Variants in TM9SF3 observed in about 807,000 individuals in gnomAD.
The protein encoded by TM9SF3 is SM-11044-binding protein.
Under a neutral mutation model 78.6 loss-of-function variants are expected in TM9SF3, and 14 were observed. The observed-to-expected ratio is 0.18, with a 90% CI of 0.12 to 0.28. The LOEUF (loss-of-function observed/expected upper bound fraction) is 0.28, where lower values mean the gene tolerates loss of function less well. Among genes scored for constraint, TM9SF3 ranks in the 10% least tolerant of loss-of-function variants. The pLI, the probability that TM9SF3 is intolerant of heterozygous loss-of-function variation, is 1.00. For synonymous variants in TM9SF3, 231 were observed against 241.7 expected (o/e 0.96, Z 0.41); for missense variants, 496 against 721.9 (o/e 0.69, Z 3.59).
At chr10:96,567,947 T>C (rs756731259) in intron 2 of TM9SF3, among the ~76,000 whole-genome samples, 8 of 152,218 alleles carry the variant, frequency 5.3e-5, no homozygotes, top group Non-Finnish European at 7.3e-5. Context: ...AATGCCAATT[T>C]ATAAACAAAT....
chr10:96,531,089 A>G (rs1384929018), intron 10 of TM9SF3, among the ~76,000 whole-genome samples: 1 of 152,224 alleles, frequency 6.6e-6, no homozygotes, highest in Non-Finnish European at 1.5e-5. Context: ...CAATTAAGGT[A>G]TTATGAGTTC....
chr10:96,586,294 G>C, intron 1 of TM9SF3, among the ~76,000 whole-genome samples: 1 of 152,188 alleles, frequency 6.6e-6, no homozygotes, highest in South Asian at 2.1e-4. Flanking sequence ...AGTGGCTGCC[G>C]GGTAATCACG....
At chr10:96,529,646 T>TA (rs1226388415) in intron 11 of TM9SF3, among the ~76,000 whole-genome samples, 3 of 134,572 alleles carry the variant, frequency 2.2e-5, no homozygotes, top group East Asian at 2.0e-4. Context: ...GGCTCTATAT[T>TA]TAAAAAAAAA....
intron 1 of TM9SF3, among the ~76,000 whole-genome samples, chr10:96,583,897 G>A (rs1191862054): frequency 3.3e-5 from 5 of 152,132 alleles, no homozygotes; most frequent in African/African-American, 1.2e-4. Flanking sequence ...AGCCAGGCAT[G>A]GTGGCAAGCA....
chr10:96,574,005 A>G (rs1848468871), intron 2 of TM9SF3, among the ~76,000 whole-genome samples: 1 of 152,254 alleles, frequency 6.6e-6, no homozygotes, highest in South Asian at 2.1e-4. Context: ...CATTAAGGAC[A>G]TAGGCATGGG....
At chr10:96,584,828 T>A (rs547182439) in intron 1 of TM9SF3, among the ~76,000 whole-genome samples, 70 of 152,166 alleles carry the variant, frequency 4.6e-4, no homozygotes, top group Non-Finnish European at 8.2e-4. Flanking sequence ...AATAAATAAA[T>A]AATAGGTATT....
rs1328349578 is a variant in TM9SF3, at chr10:96,585,014, T to C, written c.102+1720A>G. Among the ~76,000 whole-genome samples, 9 of 152,194 alleles carry C rather than the reference T, an allele frequency of 5.9e-5. No homozygotes were observed. In the East Asian group the frequency reaches 1.7e-3, roughly 29 times the overall value. ...CTAGAATAAAAAACTGAAATAGTCC[T>C]AGCAATAAAACTGCATTGAAATTAC... On this transcript the variant is annotated intron_variant, in intron 1 of 14. Coordinates refer to ENST00000371142, the MANE Select transcript of TM9SF3 (RefSeq NM_020123.4).
At chr10:96,563,993 GA>G (rs548493358) in intron 3 of TM9SF3, among the ~76,000 whole-genome samples, 219 of 152,110 alleles carry the variant, frequency 1.4e-3, no homozygotes, top group African/African-American at 5.2e-3. Context: ...AGCTGTGAAT[GA>G]AAAAACCTAA....
intron 1 of TM9SF3, 53 bp downstream of exon 1, chr10:96,586,681 G>A: frequency 8.3e-7 from 1 of 1,205,972 alleles, no homozygotes; most frequent in Non-Finnish European, 1.0e-6. Flanking sequence ...GCCTGCCTCA[G>A]TGGGCAACTG....
intron 9 of TM9SF3, among the ~76,000 whole-genome samples, chr10:96,539,286 C>G (rs1847995295): frequency 2.0e-5 from 2 of 99,744 alleles, no homozygotes; most frequent in African/African-American, 4.5e-5. Flanking sequence ...GCCTGGCCAA[C>G]ATGGTGAAAC....
rs201698207 is a variant in TM9SF3, at chr10:96,520,037, A to G, written c.*2226T>C. 7.2e-5 allele frequency: 11 copies of G among 152,108 alleles called. No homozygotes were observed. In the East Asian group the frequency reaches 1.5e-3, roughly 21 times the overall value. 9.4% of individuals were successfully genotyped at this position (152,108 alleles called of 1,614,324 possible). A position where few individuals can be genotyped will look rare whatever the true frequency, so the allele number is the denominator to read the frequency against. ...ATAAACCCTACATCTTACCTGCAAG[A>G]TTCATATCATGAGAAACAAATTTCA... On this transcript the variant is annotated 3_prime_UTR_variant, in exon 15 of 15. Coordinates refer to ENST00000371142, the MANE Select transcript of TM9SF3 (RefSeq NM_020123.4).
chr10:96,541,257 G>A (rs148007383), intron 9 of TM9SF3, among the ~76,000 whole-genome samples: 18 of 152,250 alleles, frequency 1.2e-4, no homozygotes, highest in African/African-American at 3.9e-4. Context: ...ACATCTTGGC[G>A]AATCCTTTCT....
chr10:96,544,923 G>A (rs972627629), intron 8 of TM9SF3, among the ~76,000 whole-genome samples: 1 of 151,432 alleles, frequency 6.6e-6, no homozygotes, highest in Non-Finnish European at 1.5e-5. Flanking sequence ...TTATAAATAT[G>A]TATTTAAGAG....
chr10:96,526,811 C>T (rs1396358396), intron 14 of TM9SF3, among the ~76,000 whole-genome samples: 1 of 152,178 alleles, frequency 6.6e-6, no homozygotes, highest in African/African-American at 2.4e-5. Context: ...CAGGCAACAC[C>T]TTAACATGCC....
intron 9 of TM9SF3, among the ~76,000 whole-genome samples, chr10:96,533,753 T>A (rs1396692863): frequency 6.6e-6 from 1 of 152,184 alleles, no homozygotes; most frequent in Admixed American, 6.5e-5. Flanking sequence ...GGAATCCTAA[T>A]AGAAGGAGAT....
chr10:96,565,006 G>GA (rs1336544096), intron 3 of TM9SF3, among the ~76,000 whole-genome samples: 5 of 151,640 alleles, frequency 3.3e-5, no homozygotes, highest in Admixed American at 2.0e-4. Context: ...ATTAAGATAT[G>GA]AAAAAAAATG....
intron 11 of TM9SF3, among the ~76,000 whole-genome samples, chr10:96,530,196 G>A (rs1409081176): frequency 1.3e-5 from 2 of 152,126 alleles, no homozygotes; most frequent in Non-Finnish European, 2.9e-5. Context: ...TAGTTCCCTA[G>A]ATCCTCAGAA....
intron 1 of TM9SF3, 44 bp downstream of exon 1, chr10:96,586,690 T>C: frequency 5.8e-6 from 7 of 1,213,368 alleles, no homozygotes; most frequent in Non-Finnish European, 7.2e-6. Flanking sequence ...AGTGGGCAAC[T>C]GGGGAGCTAG....
chr10:96,560,282 T>C, intron 4 of TM9SF3: 1 of 763,306 alleles, frequency 1.3e-6, no homozygotes, highest in Non-Finnish European at 2.4e-6. Context: ...CACTTTAAGG[T>C]GGATAATGAT....
Sources: allele counts gnomAD v4.1 joint callset (sites outside exome capture counted in the v4.1 genomes callset), GRCh38; gene constraint gnomAD v4.1.1; transcripts MANE v1.5; gene names NCBI Gene and HGNC (gene_info 2026-07-23, HGNC 2026-07-21).